The following RAP1A variants were observed in gnomAD, a reference collection of about 807,000 sequenced individuals.
RAP1A encodes the protein RAP1A, member of RAS oncogene family.
Under a neutral mutation model 26.4 loss-of-function variants are expected in RAP1A, and 6 were observed. That is an observed-to-expected ratio of 0.23 (90% CI 0.12 to 0.45). RAP1A has a LOEUF of 0.45. Among genes scored for constraint, RAP1A ranks in the 20% least tolerant of loss-of-function variants. The pLI is 0.99. For missense variants in RAP1A, 121 were observed against 217.2 expected (o/e 0.56, Z 2.78); for synonymous variants, 73 against 79.4 (o/e 0.92, Z 0.43).
intron 1 of RAP1A, among the ~76,000 whole-genome samples, chr1:111,666,644 A>T (rs1347215529): frequency 1.1e-4 from 7 of 65,798 alleles, no homozygotes; most frequent in Admixed American, 5.7e-4. Flanking sequence ...ACAGAGATTT[A>T]AAAAAAAAAA....
chr1:111,614,595 A>G (rs890374808), intron 1 of RAP1A, among the ~76,000 whole-genome samples: 6 of 152,218 alleles, frequency 3.9e-5, no homozygotes, highest in Middle Eastern at 3.2e-3. Flanking sequence ...CTCAGCCAAT[A>G]ATAACATGAA....
chr1:111,581,302 G>A (rs1301318162), intron 1 of RAP1A, among the ~76,000 whole-genome samples: 1 of 152,136 alleles, frequency 6.6e-6, no homozygotes, highest in Non-Finnish European at 1.5e-5. Context: ...GAAGACTGGA[G>A]AGAGGGAATA....
At chr1:111,688,805 TTTGTTTTTTTTTTTTTG>T (rs1661574991) in intron 1 of RAP1A, among the ~76,000 whole-genome samples, 1 of 133,170 alleles carries the variant, frequency 7.5e-6, no homozygotes. Flanking sequence ...GGTTTTTGTT[TTTGTTTTTTTTTTTTTG>T]TTTTTTTTTT....
At chr1:111,614,962 A>G (rs953159583), upstream of RAP1A, among the ~76,000 whole-genome samples, 1 of 152,212 alleles carries the variant, frequency 6.6e-6, no homozygotes, top group Non-Finnish European at 1.5e-5. Flanking sequence ...GGGACTTCAG[A>G]GGAGGGCTCC....
chr1:111,691,337 G>A lies in RAP1A; in HGVS notation c.-24G>A, dbSNP rs367963775. 24 of 1,601,070 alleles carry A rather than the reference G, an allele frequency of 1.5e-5. No homozygotes were observed. Among genetic ancestry groups the A allele is most frequent in the East Asian group, 4.5e-5 (2 of 44,682 alleles). ...GATTTTTTTGTTTGTTTTTCAGATC[G>A]TCAGTATTTAAACAGATCACATCAT... is the stretch of plus-strand genomic sequence containing the variant. On this transcript the variant is annotated 5_prime_UTR_variant, in exon 2 of 8. Transcript: ENST00000369709.
At chr1:111,546,492 G>T (rs1356305426) in intron 1 of RAP1A, among the ~76,000 whole-genome samples, 1 of 152,014 alleles carries the variant, frequency 6.6e-6, no homozygotes, top group African/African-American at 2.4e-5. Flanking sequence ...GACTACTCCA[G>T]GTACTTCATA....
chr1:111,606,565 T>C (rs1188128707), intron 1 of RAP1A, among the ~76,000 whole-genome samples: 1 of 152,214 alleles, frequency 6.6e-6, no homozygotes, highest in African/African-American at 2.4e-5. Flanking sequence ...TTCATGGCAC[T>C]GAGCCAAGAG....
At chr1:111,704,602 T>C in intron 6 of RAP1A, 116 bp downstream of exon 6, 25 of 1,100,104 alleles carry the variant, frequency 2.3e-5, no homozygotes, top group Non-Finnish European at 3.1e-5. Flanking sequence ...TCCATAATTT[T>C]ATAGGAAACA....
At chr1:111,666,595 TTGAA>T (rs1323911794) in intron 1 of RAP1A, among the ~76,000 whole-genome samples, 1 of 152,176 alleles carries the variant, frequency 6.6e-6, no homozygotes, top group African/African-American at 2.4e-5. Context: ...GGCAAATAAT[TTGAA>T]TGATATTCAG....
chr1:111,692,495 G>A (rs1466076829), intron 2 of RAP1A, among the ~76,000 whole-genome samples: 1 of 152,146 alleles, frequency 6.6e-6, no homozygotes, highest in Non-Finnish European at 1.5e-5. Context: ...TCAATTCAGC[G>A]ATTCCCTCTC....
chr1:111,659,310 A>G (rs1355520917), intron 1 of RAP1A, among the ~76,000 whole-genome samples: 4 of 152,162 alleles, frequency 2.6e-5, no homozygotes, highest in Non-Finnish European at 2.9e-5. Context: ...CAATTCTAAC[A>G]ATATACTTTA....
chr1:111,547,141 G>A (rs1172728166), intron 1 of RAP1A, among the ~76,000 whole-genome samples: 1 of 152,116 alleles, frequency 6.6e-6, no homozygotes, highest in Admixed American at 6.5e-5. Flanking sequence ...TTGAATAGAA[G>A]TAGTGAGAAT....
chr1:111,705,195 C>T (rs1030443012), intron 6 of RAP1A, among the ~76,000 whole-genome samples: 1 of 152,132 alleles, frequency 6.6e-6, no homozygotes, highest in Non-Finnish European at 1.5e-5. Context: ...TTAAATAGTT[C>T]CCTTGCTTTT....
At chr1:111,564,910 A>G (rs1657883675) in intron 1 of RAP1A, among the ~76,000 whole-genome samples, 1 of 152,160 alleles carries the variant, frequency 6.6e-6, no homozygotes, top group Non-Finnish European at 1.5e-5. Context: ...TGAAACTTGC[A>G]TTACAGTCAG....
chr1:111,646,827 C>A (rs6680932), intron 1 of RAP1A, among the ~76,000 whole-genome samples: 7,986 of 152,292 alleles, frequency 0.052, 453 homozygotes, highest in African/African-American at 0.14. Flanking sequence ...GCGTGAGCCA[C>A]CGCGCACAGA....
At chr1:111,658,108 AC>A (rs1660521745) in intron 1 of RAP1A, among the ~76,000 whole-genome samples, 1 of 152,212 alleles carries the variant, frequency 6.6e-6, no homozygotes, top group African/African-American at 2.4e-5. Flanking sequence ...TGGATAAAGT[AC>A]AGTCATACAT....
chr1:111,646,181 A>G (rs1379178921), intron 1 of RAP1A, among the ~76,000 whole-genome samples: 2 of 152,180 alleles, frequency 1.3e-5, no homozygotes, highest in Non-Finnish European at 2.9e-5. Flanking sequence ...ACCCCTCATC[A>G]CTGCGAATTT....
chr1:111,645,844 C>T (rs1025818314), intron 1 of RAP1A, among the ~76,000 whole-genome samples: 1 of 152,102 alleles, frequency 6.6e-6, no homozygotes, highest in African/African-American at 2.4e-5. Context: ...TACTAAGCTA[C>T]ACTGTTGATC....
intron 3 of RAP1A, among the ~76,000 whole-genome samples, chr1:111,696,631 A>G (rs939186477): frequency 5.9e-5 from 9 of 152,178 alleles, no homozygotes; most frequent in Non-Finnish European, 1.2e-4. Flanking sequence ...GCTCTACTGA[A>G]ATTTCCCCAA....
Sources: gnomAD v4.1 joint callset for allele counts (sites outside exome capture counted in the v4.1 genomes callset) on GRCh38, gnomAD v4.1.1 for gene constraint, MANE v1.5 for transcripts, NCBI Gene and HGNC (gene_info 2026-07-23, HGNC 2026-07-21) for gene names.